Variants in NSD1 observed in about 807,000 individuals in gnomAD.
NSD1 encodes the protein nuclear receptor binding SET domain protein 1, also known as histone-lysine N-methyltransferase, H3 lysine-36 specific.
A neutral mutation model predicts 242.7 loss-of-function variants in NSD1; 26 were observed. That is an observed-to-expected ratio of 0.11 (90% CI 0.08 to 0.15). The LOEUF (loss-of-function observed/expected upper bound fraction) is 0.15, where lower values mean the gene tolerates loss of function less well. Ranked by LOEUF, NSD1 falls within the 10% of genes least tolerant of loss-of-function variation. NSD1 has a pLI of 1.00. For missense variants in NSD1, 2,495 were observed against 3,272.8 expected (o/e 0.76, Z 5.80); for synonymous variants, 1,106 against 1,178.1 (o/e 0.94, Z 1.25).
intron 2 of NSD1, among the ~76,000 whole-genome samples, chr5:177,171,371 C>G (rs942826867): frequency 3.3e-5 from 5 of 152,010 alleles, no homozygotes; most frequent in Non-Finnish European, 7.4e-5. Flanking sequence ...CTTCCCTGCC[C>G]CTAAGTAACC....
At chr5:177,213,103 G>A (rs1763487614) in intron 5 of NSD1, among the ~76,000 whole-genome samples, 1 of 152,194 alleles carries the variant, frequency 6.6e-6, no homozygotes, top group Admixed American at 6.5e-5. Context: ...AAAAATACCA[G>A]AAGTACCCAA....
chr5:177,139,066 A>G (rs925043420), intron 2 of NSD1, among the ~76,000 whole-genome samples: 49 of 151,362 alleles, frequency 3.2e-4, no homozygotes, highest in Middle Eastern at 3.4e-3. Flanking sequence ...CCTGGCCAAC[A>G]TGGCAAAACC....
chr5:177,241,905 T>C (rs1241528566), intron 8 of NSD1, among the ~76,000 whole-genome samples: 4 of 152,194 alleles, frequency 2.6e-5, no homozygotes, highest in African/African-American at 7.2e-5. Flanking sequence ...GAATGAGAGA[T>C]TGATCTGTTC....
chr5:177,235,837 G>T lies in NSD1; in HGVS notation c.3813G>T (p.Lys1271Asn). 4 of 1,613,984 alleles carry T rather than the reference G, an allele frequency of 2.5e-6. No homozygotes were observed. Among genetic ancestry groups the T allele is most frequent in the South Asian group, 1.1e-5 (1 of 91,078 alleles). Residue 1271 changes from lysine (K) to asparagine (N), a missense_variant, in exon 6 of 23, where the codon AAG becomes AAT. Physicochemically the swap from Lys to Asn is moderately conservative, Grantham distance 94 (BLOSUM62 0). This residue lies in a region of NSD1 where 426 missense variants were observed against 411.4 expected (regional missense o/e 1.04). Coordinates refer to ENST00000439151, the MANE Select transcript of NSD1 (RefSeq NM_022455.5). ...ATCTTTTAGCTGTGCGGTCAGAGAA[G>T]AAACGCCTTAGGAAGCCAAGCAAGT... ...ELPEPAVRSEKKRLRKPSKWL... is the reference protein window; with the variant it reads ...ELPEPAVRSENKRLRKPSKWL...
Position 177,273,666 on chromosome 5 carries a change from T to C in NSD1, c.5510-6T>C, listed in dbSNP as rs1460299017. On this transcript the variant is annotated splice_region_variant and splice_polypyrimidine_tract_variant and intron_variant, in intron 16 of 22. Coordinates refer to ENST00000439151, the MANE Select transcript of NSD1 (RefSeq NM_022455.5). ...TTGAAGTGACTTGTGCTGTCTGTTT[T>C]CATAGCTCTTCAGGAAGCTGCAGCA... 6.2e-7 allele frequency: 1 copy of C among 1,603,670 alleles called. No homozygotes were observed. The highest frequency in any genetic ancestry group is 2.2e-5 in the East Asian group (1 of 44,806).
At position 177,134,166 on chromosome 5, in the gene NSD1, G is replaced by C. The variant is rs1396619261; in HGVS notation, c.-18+214G>C. On this transcript the variant is annotated intron_variant, in intron 1 of 22. Transcript: ENST00000439151. The surrounding 1 kb of genome is among the most constrained non-coding windows in gnomAD (Gnocchi z 4.2). ...CAGCCGGGCTCAGGCCTAGCTGGCC[G>C]GGCTGCCGCGAACTTCCTCCCGGCG... 4.6e-5 allele frequency: 7 copies of C among 151,230 alleles called. No individual in the cohort carries two copies. Among genetic ancestry groups the C allele is most frequent in the Non-Finnish European group, 1.0e-4 (7 of 67,742 alleles). 9.4% of individuals were successfully genotyped at this position (151,230 alleles called of 1,614,324 possible).
intron 12 of NSD1, among the ~76,000 whole-genome samples, chr5:177,255,521 T>G (rs776151147): frequency 1.3e-5 from 2 of 152,190 alleles, no homozygotes; most frequent in South Asian, 2.1e-4. Context: ...CTTTTTCTTA[T>G]GTTGTACTGC....
chr5:177,295,342 G>T lies in NSD1; in HGVS notation c.7974G>T (p.Leu2658Phe). Reference protein sequence around the residue: ...SCWSAGSTQTLAQTCWSLGRG... With the variant: ...SCWSAGSTQTFAQTCWSLGRG... ...GGTCTGCTGGGAGCACACAGACATT[G>T]GCACAGACTTGCTGGTCTCTTGGAA... Residue 2658 changes from leucine (L) to phenylalanine (F), a missense_variant, in exon 23 of 23, where the codon TTG becomes TTT. By Grantham distance (22) the Leu-to-Phe change is conservative (BLOSUM62 0). Transcript: ENST00000439151. This position sits in a 1 kb window ranked among gnomAD's most constrained non-coding sequence, Gnocchi z 4.3. 1 of 1,614,106 alleles carries T rather than the reference G, an allele frequency of 6.2e-7. No individual in the cohort carries two copies. The highest frequency in any genetic ancestry group is 8.5e-7 in the Non-Finnish European group (1 of 1,180,030).
intron 3 of NSD1, among the ~76,000 whole-genome samples, chr5:177,199,713 C>T (rs554663531): frequency 6.6e-6 from 1 of 152,162 alleles, no homozygotes; most frequent in South Asian, 2.1e-4. Context: ...AATTCTCCTG[C>T]CTCAACCTCC....
At chr5:177,233,286 A>G (rs895215755) in intron 5 of NSD1, among the ~76,000 whole-genome samples, 5 of 151,778 alleles carry the variant, frequency 3.3e-5, no homozygotes, top group African/African-American at 1.2e-4. Context: ...CTGGGCTGGT[A>G]TTGAATTCCT....
rs1581430564 is a variant in NSD1 at position 177,246,883 on chromosome 5, C to A, written c.4497+87C>A. 3 of 927,516 alleles carry A rather than the reference C, an allele frequency of 3.2e-6. No homozygotes were observed. In the East Asian group the frequency reaches 7.3e-5, roughly 23 times the overall value. 57.5% of individuals were successfully genotyped at this position (927,516 alleles called of 1,614,324 possible). On this transcript the variant is annotated intron_variant, in intron 10 of 22. Transcript: ENST00000439151. ...CACATCCCTCTTTCCCTTGAGTTTT[C>A]TTAAGAATACTATTCTACTGAAATG...
At chr5:177,193,598 C>CT (rs943801426) in intron 3 of NSD1, among the ~76,000 whole-genome samples, 4 of 151,482 alleles carry the variant, frequency 2.6e-5, no homozygotes, top group African/African-American at 9.7e-5. Flanking sequence ...TTGAGCTGTC[C>CT]TTTTTTCTGT....
intron 2 of NSD1, among the ~76,000 whole-genome samples, chr5:177,136,539 A>G (rs998956695): frequency 2.6e-5 from 4 of 151,798 alleles, no homozygotes; most frequent in African/African-American, 9.7e-5. Context: ...AAATTAGGCT[A>G]GTTTTTCTGA....
intron 3 of NSD1, among the ~76,000 whole-genome samples, chr5:177,194,475 T>A (rs1292677537): frequency 6.8e-6 from 1 of 146,688 alleles, no homozygotes; most frequent in Admixed American, 6.9e-5. Context: ...AGATAGTGTC[T>A]CCATATATTA....
At chr5:177,255,946 A>C (rs1046897006) in intron 12 of NSD1, among the ~76,000 whole-genome samples, 1 of 152,184 alleles carries the variant, frequency 6.6e-6, no homozygotes, top group Admixed American at 6.5e-5. Flanking sequence ...CCATGTATTC[A>C]GTTAATTTCA....
chr5:177,265,057 C>A, intron 14 of NSD1: 1 of 758,184 alleles, frequency 1.3e-6, no homozygotes, highest in South Asian at 1.3e-5. Context: ...TTAAGCACTC[C>A]TAAGAGCCAA....
intron 21 of NSD1, among the ~76,000 whole-genome samples, chr5:177,290,052 T>G (rs889508715): frequency 1.3e-5 from 2 of 151,672 alleles, no homozygotes; most frequent in Non-Finnish European, 2.9e-5. Flanking sequence ...TTGGTCTCGA[T>G]CTCCTGACCT....
chr5:177,185,666 A>T (rs949702203), intron 2 of NSD1, among the ~76,000 whole-genome samples: 9 of 119,540 alleles, frequency 7.5e-5, no homozygotes, highest in African/African-American at 2.7e-4. Context: ...AATATATATT[A>T]TATATATATA....
At chr5:177,291,428 G>A (rs1759815180) in intron 21 of NSD1, among the ~76,000 whole-genome samples, 2 of 152,192 alleles carry the variant, frequency 1.3e-5, no homozygotes, top group South Asian at 4.1e-4. Flanking sequence ...GCCAAAGCGG[G>A]TGGGTCACAA....
Sources: gnomAD v4.1 joint callset for allele counts (sites outside exome capture counted in the v4.1 genomes callset) on GRCh38, gnomAD v4.1.1 for gene constraint, gnomAD v4.1.1 regional missense constraint, Gnocchi (gnomAD v3.1) non-coding constraint, MANE v1.5 for transcripts, NCBI Gene and HGNC (gene_info 2026-07-23, HGNC 2026-07-21) for gene names.